The following EFHC2 variants were observed in gnomAD, a reference collection of about 807,000 sequenced individuals.
The protein encoded by EFHC2 is EF-hand domain containing 2.
Under a neutral mutation model 52.7 loss-of-function variants are expected in EFHC2, and 18 were observed. That is an observed-to-expected ratio of 0.34 (90% CI 0.24 to 0.51). The LOEUF is 0.51. EFHC2 is among the 20% of genes least tolerant of loss of function. The pLI is 0.97. For missense variants in EFHC2, 513 were observed against 562.5 expected (o/e 0.91, Z 0.89); for synonymous variants, 203 against 204.1 (o/e 0.99, Z 0.04).
chrX:44,318,640 C>T (rs1006165670), intron 1 of EFHC2, among the ~76,000 whole-genome samples: 12 of 112,145 alleles, frequency 1.1e-4, no homozygotes, highest in African/African-American at 3.6e-4. Context: ...ATTCATGAGG[C>T]CTTCTCTGAC....
chrX:44,199,724 G>T (rs2036992642), intron 11 of EFHC2, among the ~76,000 whole-genome samples: 1 of 112,063 alleles, frequency 8.9e-6, no homozygotes, highest in African/African-American at 3.2e-5. Flanking sequence ...AACATCACCA[G>T]TAGTAAGACA....
intron 2 of EFHC2, among the ~76,000 whole-genome samples, chrX:44,281,939 T>G (rs1217775271): frequency 9.0e-6 from 1 of 111,579 alleles, no homozygotes; most frequent in Non-Finnish European, 1.9e-5. Flanking sequence ...TTTCTCCTAT[T>G]AAATGGACCA....
At chrX:44,217,401 A>T (rs767038186) in intron 11 of EFHC2, among the ~76,000 whole-genome samples, 1 of 112,040 alleles carries the variant, frequency 8.9e-6, no homozygotes, top group South Asian at 3.7e-4. Context: ...AAATCAGTAT[A>T]TCGAAGAGAT....
chrX:44,154,231 G>A (rs759880244), intron 14 of EFHC2, among the ~76,000 whole-genome samples: 2 of 112,932 alleles, frequency 1.8e-5, no homozygotes, highest in Non-Finnish European at 3.7e-5. Flanking sequence ...TGGCCTCTGA[G>A]GCTTGCTTTG....
chrX:44,205,503 G>C (rs2037041825), intron 11 of EFHC2, among the ~76,000 whole-genome samples: 1 of 110,560 alleles, frequency 9.0e-6, no homozygotes, highest in African/African-American at 3.3e-5. Flanking sequence ...AAAGTAAAGG[G>C]ATGGAGAAAG....
At chrX:44,183,506 T>C (rs750519463) in intron 11 of EFHC2, among the ~76,000 whole-genome samples, 1 of 112,184 alleles carries the variant, frequency 8.9e-6, no homozygotes, top group African/African-American at 3.2e-5. Context: ...GTGGTAGAGA[T>C]AGCTGGTAGA....
At chrX:44,157,736 A>ACCCCCCCCCCCCCCCCCC (rs1348786049) in intron 14 of EFHC2, among the ~76,000 whole-genome samples, 1 of 66,671 alleles carries the variant, frequency 1.5e-5, no homozygotes, top group Non-Finnish European at 2.7e-5. Flanking sequence ...TGAGTGCTCC[A>ACCCCCCCCCCCCCCCCCC]CCCCCCTCCC....
chrX:44,235,494 C>G, intron 8 of EFHC2, 47 bp from the exon 9 acceptor site: 1 of 1,096,523 alleles, frequency 9.1e-7, no homozygotes, highest in Non-Finnish European at 1.2e-6. Flanking sequence ...AGGTAATCTT[C>G]CACATATTAT....
At chrX:44,149,931 CTTTA>C (rs951646501) in intron 14 of EFHC2, among the ~76,000 whole-genome samples, 5 of 112,165 alleles carry the variant, frequency 4.5e-5, no homozygotes, top group Non-Finnish European at 9.4e-5. Flanking sequence ...AGATAAGCCA[CTTTA>C]TTTGTGTGTG....
chrX:44,262,656 A>C (rs868056526), intron 3 of EFHC2, among the ~76,000 whole-genome samples: 10 of 111,278 alleles, frequency 9.0e-5, no homozygotes, highest in Middle Eastern at 4.2e-3. Context: ...AGAAGACAGG[A>C]GGTGCCTTGG....
intron 1 of EFHC2, among the ~76,000 whole-genome samples, chrX:44,314,797 C>T (rs1271544868): frequency 1.8e-5 from 2 of 111,670 alleles, no homozygotes; most frequent in African/African-American, 6.5e-5. Context: ...CACAAAGTCA[C>T]CTCGAACCAA....
intron 2 of EFHC2, among the ~76,000 whole-genome samples, chrX:44,300,154 T>C (rs2037858356): frequency 9.0e-6 from 1 of 111,636 alleles, no homozygotes; most frequent in Admixed American, 9.5e-5. Flanking sequence ...TAAATAACCA[T>C]GACTTTTATA....
At chrX:44,315,360 C>A (rs1350569415) in intron 1 of EFHC2, among the ~76,000 whole-genome samples, 1 of 110,860 alleles carries the variant, frequency 9.0e-6, no homozygotes, top group East Asian at 2.8e-4. Context: ...ACGAGAACAG[C>A]CAAATACAGC....
intron 11 of EFHC2, among the ~76,000 whole-genome samples, chrX:44,221,208 A>G (rs1416870973): frequency 9.0e-6 from 1 of 111,460 alleles, no homozygotes; most frequent in African/African-American, 3.3e-5. Flanking sequence ...CTGGTTATAA[A>G]TATTTTCTCT....
Position 44,242,251 on chromosome X carries a change from G to C in EFHC2, c.1150C>G (p.Pro384Ala). The C allele has an allele frequency of 2.5e-6, 3 of 1,208,180 alleles. No homozygotes were observed. Among genetic ancestry groups the C allele is most frequent in the Non-Finnish European group, 3.4e-6 (3 of 894,042 alleles). Residue 384 changes from proline (P) to alanine (A), a missense_variant, in exon 8 of 15, where the codon CCT becomes GCT. Transcript: ENST00000420999. The part of the protein sequence containing the change: ...TSVSCKPPSP[P>A]PKIERKFPPY... ...GGAAATTTCCTTTCTATTTTTGGAG[G>C]AGGAGAAGGAGGCTTGCATGAAACT...
At chrX:44,292,593 C>T (rs67211578) in intron 2 of EFHC2, among the ~76,000 whole-genome samples, 15,299 of 111,100 alleles carry the variant, frequency 0.14, 900 homozygotes, top group Admixed American at 0.27. Context: ...AATTTTCTTA[C>T]ACTTATTCAC....
At chrX:44,165,803 G>T (rs758486714) in intron 13 of EFHC2, among the ~76,000 whole-genome samples, 1 of 111,360 alleles carries the variant, frequency 9.0e-6, no homozygotes, top group South Asian at 3.9e-4. Flanking sequence ...TTAGGAGTTG[G>T]GGCTTTAGGA....
chrX:44,289,769 C>A (rs2037779720), intron 2 of EFHC2, among the ~76,000 whole-genome samples: 1 of 104,183 alleles, frequency 9.6e-6, no homozygotes, highest in East Asian at 3.0e-4. Flanking sequence ...GCAACCTCCA[C>A]CTTCCAGGTT....
intron 2 of EFHC2, among the ~76,000 whole-genome samples, chrX:44,293,681 A>T (rs2037808600): frequency 9.0e-6 from 1 of 111,601 alleles, no homozygotes; most frequent in African/African-American, 3.3e-5. Context: ...TAACCTCTAT[A>T]CATCACTTTT....
Sources: allele counts gnomAD v4.1 joint callset (sites outside exome capture counted in the v4.1 genomes callset), GRCh38; gene constraint gnomAD v4.1.1; transcripts MANE v1.5; gene names NCBI Gene and HGNC (gene_info 2026-07-23, HGNC 2026-07-21).